EYA2: variants seen among roughly 807,000 people sequenced by gnomAD.
EYA2 encodes the protein protein phosphatase EYA2.
EYA2 carries 31 observed loss-of-function variants against 69.2 expected under a neutral mutation model. The ratio of observed to expected loss-of-function variants is 0.45; its 90% CI spans 0.34 to 0.60. EYA2 has a LOEUF of 0.60. Among genes scored for constraint, EYA2 ranks in the 20% least tolerant of loss-of-function variants. The probability of loss-of-function intolerance (pLI) is 0.02; values close to 1 mark genes in which losing one functional copy is unlikely to be tolerated. For synonymous variants in EYA2, 257 were observed against 279.4 expected (o/e 0.92, Z 0.80); for missense variants, 622 against 701.2 (o/e 0.89, Z 1.28).
chr20:46,907,706 G>A (rs1471098419), intron 1 of EYA2, among the ~76,000 whole-genome samples: 1 of 152,206 alleles, frequency 6.6e-6, no homozygotes, highest in African/African-American at 2.4e-5. Context: ...AGGTATGGTG[G>A]CCCGCATCTG....
chr20:47,174,132 A>T (rs556950700), intron 12 of EYA2, among the ~76,000 whole-genome samples: 78 of 152,338 alleles, frequency 5.1e-4, no homozygotes, highest in African/African-American at 1.9e-3. Context: ...GGAACCAACC[A>T]CTGGCCCATA....
chr20:46,987,799 C>T (rs1981327502), intron 1 of EYA2, among the ~76,000 whole-genome samples: 1 of 151,082 alleles, frequency 6.6e-6, no homozygotes, highest in Non-Finnish European at 1.5e-5. Flanking sequence ...TGGTGGTGTG[C>T]ACCTGTAATC....
At chr20:47,178,656 G>A (rs573637064) in intron 12 of EYA2, among the ~76,000 whole-genome samples, 30 of 152,194 alleles carry the variant, frequency 2.0e-4, no homozygotes, top group Admixed American at 4.6e-4. Flanking sequence ...CCTGGGTGCC[G>A]GACCTGTGTC....
At chr20:46,983,534 G>C (rs1980975226) in intron 1 of EYA2, among the ~76,000 whole-genome samples, 1 of 152,116 alleles carries the variant, frequency 6.6e-6, no homozygotes. Flanking sequence ...CCTGTAATTA[G>C]GCAACTGCAA....
At chr20:47,092,151 T>C (rs1047431766) in intron 8 of EYA2, among the ~76,000 whole-genome samples, 2 of 152,166 alleles carry the variant, frequency 1.3e-5, no homozygotes, top group Admixed American at 1.3e-4. Context: ...AGCAGTTGTT[T>C]ATAGCTGGGG....
intron 1 of EYA2, among the ~76,000 whole-genome samples, chr20:46,971,803 G>T (rs1308154726): frequency 6.6e-6 from 1 of 152,204 alleles, no homozygotes; most frequent in Non-Finnish European, 1.5e-5. Flanking sequence ...AGTGGTGCAT[G>T]CATGATCCTT....
At position 47,001,433 on chromosome 20, in the gene EYA2, A is replaced by G. The variant is rs1982364007; in HGVS notation, c.115A>G (p.Thr39Ala). ...VWTLSDRQGI[T>A]KSAPLRVSQL... The stretch of plus-strand genomic sequence containing the variant: ...TTTTTCTTTTTCTCCTGCAGGCATC[A>G]CCAAATCGGCCCCCCTGAGAGTGTC... Residue 39 changes from threonine (T) to alanine (A), a missense_variant, in exon 3 of 16, where the codon ACC becomes GCC. Physicochemically the swap from Thr to Ala is moderately conservative, Grantham distance 58. This residue lies in a region of EYA2 where 365 missense variants were observed against 349.7 expected (regional missense o/e 1.04). Coordinates refer to ENST00000327619, the MANE Select transcript of EYA2 (RefSeq NM_005244.5). 4 of 1,613,950 alleles carry G rather than the reference A, an allele frequency of 2.5e-6. No homozygotes were observed. The South Asian group carries it at 4.4e-5, about 18-fold the overall frequency.
At chr20:47,025,877 A>G (rs1476035901) in intron 5 of EYA2, among the ~76,000 whole-genome samples, 1 of 152,182 alleles carries the variant, frequency 6.6e-6, no homozygotes, top group African/African-American at 2.4e-5. Flanking sequence ...GCGTGAAGAA[A>G]TGGTGTCTCA....
At chr20:47,145,149 T>A (rs2033674534) in intron 10 of EYA2, among the ~76,000 whole-genome samples, 1 of 151,750 alleles carries the variant, frequency 6.6e-6, no homozygotes, top group African/African-American at 2.4e-5. Flanking sequence ...ACAAGACCAT[T>A]TATGATAATA....
chr20:47,112,647 C>CA lies in EYA2; in HGVS notation c.888+15488dup, dbSNP rs974234820. ...ATCAGCTGAGACTTCAAAACTAGGC[C>CA]AAAAAAAAAGCACTTAGGCACGTTT... On this transcript the variant is annotated intron_variant, in intron 9 of 15. Transcript: ENST00000327619. Among the ~76,000 whole-genome samples the CA allele has an allele frequency of 9.5e-5, 14 of 147,926 alleles. 1 individual carries two copies. Among genetic ancestry groups the CA allele is most frequent in the South Asian group, 2.2e-4 (1 of 4,630 alleles).
intron 1 of EYA2, among the ~76,000 whole-genome samples, chr20:46,904,388 A>G (rs924392196): frequency 6.6e-6 from 1 of 152,086 alleles, no homozygotes; most frequent in African/African-American, 2.4e-5. Context: ...AAACTGCCAA[A>G]CAGATTTAAA....
At chr20:47,154,819 T>G (rs62201407) in intron 10 of EYA2, among the ~76,000 whole-genome samples, 2 of 140,794 alleles carry the variant, frequency 1.4e-5, no homozygotes, top group Admixed American at 7.2e-5. Context: ...TTATTTTGTT[T>G]TGTGTGTGTG....
intron 1 of EYA2, among the ~76,000 whole-genome samples, chr20:46,943,438 G>A (rs559313930): frequency 1.4e-5 from 2 of 147,874 alleles, no homozygotes. Context: ...TGGAGAAAAT[G>A]TATCTCTCTC....
chr20:47,023,524 C>T lies in EYA2; in HGVS notation c.415+7227C>T, dbSNP rs539991047. Reference sequence around the variant, plus strand: ...ATGTTCCACACCACTACCTCCCACTCCAAGTTCATAAATCTTTTCTTCTGT... The same window carrying T: ...ATGTTCCACACCACTACCTCCCACTTCAAGTTCATAAATCTTTTCTTCTGT... On this transcript the variant is annotated intron_variant, in intron 5 of 15. Transcript: ENST00000327619. 1.2e-3 allele frequency among the ~76,000 whole-genome samples: 180 copies of T among 152,186 alleles called. 3 individuals are homozygous for T. Among genetic ancestry groups the T allele is most frequent in the African/African-American group, 4.1e-3 (171 of 41,516 alleles).
chr20:46,955,738 G>A (rs2146281160), intron 1 of EYA2, among the ~76,000 whole-genome samples: 1 of 152,174 alleles, frequency 6.6e-6, no homozygotes, highest in Admixed American at 6.5e-5. Context: ...TTTTTTCACT[G>A]TTAGTACATC....
chr20:47,086,418 A>C (rs1057166259), intron 7 of EYA2, among the ~76,000 whole-genome samples: 1 of 152,236 alleles, frequency 6.6e-6, no homozygotes, highest in African/African-American at 2.4e-5. Flanking sequence ...CAGGCTGTAC[A>C]GGAAGTATGG....
At chr20:47,050,943 C>T (rs1339049955) in intron 5 of EYA2, among the ~76,000 whole-genome samples, 3 of 152,260 alleles carry the variant, frequency 2.0e-5, no homozygotes, top group South Asian at 2.1e-4. Flanking sequence ...TGTGATCTTA[C>T]GAGGCATTCG....
At position 47,183,390 on chromosome 20, in the gene EYA2, A is replaced by C. The variant is rs755888219; in HGVS notation, c.1535A>C (p.Lys512Thr). 1.2e-6 allele frequency: 2 copies of C among 1,613,830 alleles called. No homozygotes were observed. The highest frequency in any genetic ancestry group is 1.1e-5 in the South Asian group (1 of 91,040). The change falls in exon 15 of 16, where the codon AAG (lysine) becomes ACG (threonine). Residue 512 changes from lysine (K) to threonine (T), a missense_variant and splice_region_variant. By Grantham distance (78) the Lys-to-Thr change is moderately conservative. Around this residue, in one of 2 missense-constraint regions of EYA2, gnomAD observed 257 missense variants for 351.5 expected, o/e 0.73. Coordinates refer to ENST00000327619, the MANE Select transcript of EYA2 (RefSeq NM_005244.5). ...DGVEEEQGAK[K>T]HNMPFWRISC... ...GTGGAAGAGGAGCAAGGAGCGAAAA[A>C]GGTACTTCTTCCACCTCTCAGACTG...
intron 1 of EYA2, among the ~76,000 whole-genome samples, chr20:46,898,773 G>T (rs973905898): frequency 2.0e-5 from 3 of 152,168 alleles, no homozygotes; most frequent in Non-Finnish European, 2.9e-5. Flanking sequence ...AATCAGAGGG[G>T]CAAGACCTTG....
Sources: gnomAD v4.1 joint callset for allele counts (sites outside exome capture counted in the v4.1 genomes callset) on GRCh38, gnomAD v4.1.1 for gene constraint, gnomAD v4.1.1 regional missense constraint, MANE v1.5 for transcripts, NCBI Gene and HGNC (gene_info 2026-07-23, HGNC 2026-07-21) for gene names.